NEK7: variants seen among roughly 807,000 people sequenced by gnomAD.
The protein encoded by NEK7 is NIMA related kinase 7.
NEK7 carries 18 observed loss-of-function variants against 44.6 expected under a neutral mutation model. That is an observed-to-expected ratio of 0.40 (90% CI 0.28 to 0.60). The LOEUF is 0.60. NEK7 is among the 20% of genes least tolerant of loss of function. The pLI, the probability that NEK7 is intolerant of heterozygous loss-of-function variation, is 0.38. For synonymous variants in NEK7, 130 were observed against 121.1 expected (o/e 1.07, Z -0.48); for missense variants, 256 against 366.5 (o/e 0.70, Z 2.46).
chr1:198,211,457 C>A (rs947455714), intron 1 of NEK7, among the ~76,000 whole-genome samples: 1 of 152,144 alleles, frequency 6.6e-6, no homozygotes, highest in African/African-American at 2.4e-5. Context: ...TCAGGCCATT[C>A]CTAATGGGTC....
At chr1:198,222,968 C>T (rs1666112099) in intron 1 of NEK7, among the ~76,000 whole-genome samples, 1 of 151,894 alleles carries the variant, frequency 6.6e-6, no homozygotes, top group South Asian at 2.1e-4. Flanking sequence ...GAATTCTGGG[C>T]CTAGAGGATA....
intron 1 of NEK7, among the ~76,000 whole-genome samples, chr1:198,168,463 G>A (rs149697366): frequency 3.9e-5 from 6 of 152,258 alleles, no homozygotes; most frequent in Non-Finnish European, 7.4e-5. Flanking sequence ...TTTCCAACTT[G>A]TGAACTTTGT....
chr1:198,254,771 A>G (rs1465520791), intron 3 of NEK7, among the ~76,000 whole-genome samples: 1 of 152,130 alleles, frequency 6.6e-6, no homozygotes, highest in Non-Finnish European at 1.5e-5. Context: ...CACTGGTGTA[A>G]GTTTTCGCCA....
intron 1 of NEK7, among the ~76,000 whole-genome samples, chr1:198,188,034 A>G (rs1022821731): frequency 1.2e-4 from 18 of 152,200 alleles, no homozygotes; most frequent in African/African-American, 4.3e-4. Context: ...CAGGGCTCCC[A>G]TAGCACAATT....
intron 4 of NEK7, among the ~76,000 whole-genome samples, chr1:198,263,777 G>T (rs917951818): frequency 1.3e-4 from 19 of 151,826 alleles, no homozygotes; most frequent in African/African-American, 4.6e-4. Context: ...CTAAATGAAA[G>T]TTCTCATTTT....
intron 1 of NEK7, among the ~76,000 whole-genome samples, chr1:198,196,914 A>C (rs1303882983): frequency 1.3e-5 from 2 of 152,186 alleles, no homozygotes; most frequent in Non-Finnish European, 2.9e-5. Context: ...CATGAGTGCC[A>C]CTGGTAACCT....
intron 1 of NEK7, among the ~76,000 whole-genome samples, chr1:198,190,801 G>C (rs1346114017): frequency 3.3e-5 from 5 of 151,594 alleles, no homozygotes; most frequent in African/African-American, 1.2e-4. Context: ...AATTTTTTTT[G>C]TTTTATTTCC....
chr1:198,261,120 C>T (rs886202278), intron 3 of NEK7, among the ~76,000 whole-genome samples: 1 of 151,950 alleles, frequency 6.6e-6, no homozygotes, highest in African/African-American at 2.4e-5. Context: ...TCCTATAATT[C>T]TTTCAAGGTT....
chr1:198,171,419 G>A (rs1328766133), intron 1 of NEK7, among the ~76,000 whole-genome samples: 1 of 152,032 alleles, frequency 6.6e-6, no homozygotes, highest in Non-Finnish European at 1.5e-5. Context: ...AGTGGCTCAT[G>A]CCTGTAATCC....
At chr1:198,234,087 C>T (rs1337907699) in intron 2 of NEK7, among the ~76,000 whole-genome samples, 1 of 152,050 alleles carries the variant, frequency 6.6e-6, no homozygotes, top group African/African-American at 2.4e-5. Flanking sequence ...AGGACTGTGT[C>T]TTATTTACCT....
At chr1:198,206,805 T>C (rs1269157323) in intron 1 of NEK7, 4 of 152,302 alleles carry the variant, frequency 2.6e-5, no homozygotes, top group South Asian at 4.1e-4. Context: ...TTATATGTTA[T>C]GCATTTTTCA....
chr1:198,206,284 G>T (rs1382697514), intron 1 of NEK7, among the ~76,000 whole-genome samples: 1 of 152,110 alleles, frequency 6.6e-6, no homozygotes, highest in Non-Finnish European at 1.5e-5. Context: ...CCACAACACT[G>T]ATTTCAATAA....
intron 1 of NEK7, among the ~76,000 whole-genome samples, chr1:198,231,086 G>C (rs1015647562): frequency 6.6e-6 from 1 of 151,104 alleles, no homozygotes; most frequent in African/African-American, 2.4e-5. Context: ...AATCAGACAC[G>C]TAATTAAGTA....
At chr1:198,275,709 T>C (rs948119011) in intron 5 of NEK7, among the ~76,000 whole-genome samples, 1 of 151,538 alleles carries the variant, frequency 6.6e-6, no homozygotes, top group African/African-American at 2.4e-5. Context: ...CTAATATACA[T>C]TTTACCCATA....
At chr1:198,260,958 GT>G (rs1653443360) in intron 3 of NEK7, among the ~76,000 whole-genome samples, 1 of 151,944 alleles carries the variant, frequency 6.6e-6, no homozygotes, top group Non-Finnish European at 1.5e-5. Flanking sequence ...TCTTCATATG[GT>G]TTTTTAAATT....
chr1:198,216,419 G>A (rs1665922462), intron 1 of NEK7, among the ~76,000 whole-genome samples: 1 of 151,894 alleles, frequency 6.6e-6, no homozygotes, highest in East Asian at 1.9e-4. Flanking sequence ...AAATCTCTAG[G>A]ATACAGCAAA....
At chr1:198,235,506 G>A (rs1666523529) in intron 2 of NEK7, among the ~76,000 whole-genome samples, 1 of 151,832 alleles carries the variant, frequency 6.6e-6, no homozygotes, top group African/African-American at 2.4e-5. Flanking sequence ...TTGGAACAGT[G>A]GATTTAGCTT....
chr1:198,268,278 G>A (rs1653718947), intron 5 of NEK7, among the ~76,000 whole-genome samples: 2 of 151,340 alleles, frequency 1.3e-5, no homozygotes, highest in South Asian at 2.1e-4. Context: ...GACTCTATAT[G>A]GCTCAATATG....
chr1:198,222,833 A>G (rs960415680), intron 1 of NEK7, among the ~76,000 whole-genome samples: 5 of 151,576 alleles, frequency 3.3e-5, no homozygotes, highest in South Asian at 4.2e-4. Flanking sequence ...ACAAATTGTT[A>G]TAATTGCTGT....
Sources: gnomAD v4.1 joint callset for allele counts (sites outside exome capture counted in the v4.1 genomes callset) on GRCh38, gnomAD v4.1.1 for gene constraint, MANE v1.5 for transcripts, NCBI Gene and HGNC (gene_info 2026-07-23, HGNC 2026-07-21) for gene names.